TBC1D4: variants seen among roughly 807,000 people sequenced by gnomAD.
TBC1D4 encodes TBC1 domain family member 4.
TBC1D4 carries 121 observed loss-of-function variants against 142.5 expected under a neutral mutation model. The observed-to-expected ratio is 0.85, with a 90% CI of 0.73 to 0.99. The LOEUF is 0.99. TBC1D4 is among the 50% of genes least tolerant of loss of function. The pLI, the probability that TBC1D4 is intolerant of heterozygous loss-of-function variation, is 0.00. For missense variants in TBC1D4, 1,475 were observed against 1,606.6 expected, an observed-to-expected ratio of 0.92 and a Z score of 1.40; for synonymous variants, 630 against 628.2, an observed-to-expected ratio of 1.00 and a Z score of -0.04.
chr13:75,441,405 T>C (rs1215442897), intron 1 of TBC1D4, among the ~76,000 whole-genome samples: 1 of 152,114 alleles, frequency 6.6e-6, no homozygotes. Flanking sequence ...TCTTCAAGAA[T>C]AGGAACCAAA....
chr13:75,440,704 C>G (rs1887002707), intron 1 of TBC1D4, among the ~76,000 whole-genome samples: 1 of 151,408 alleles, frequency 6.6e-6, no homozygotes, highest in Non-Finnish European at 1.5e-5. Context: ...CAGGCCCGTA[C>G]CAGCACACCC....
intron 20 of TBC1D4, among the ~76,000 whole-genome samples, chr13:75,288,177 C>G (rs1874889741): frequency 6.6e-6 from 1 of 152,116 alleles, no homozygotes; most frequent in African/African-American, 2.4e-5. Flanking sequence ...TTACATGTAA[C>G]ATTTGCATGG....
At chr13:75,309,868 G>A in intron 14 of TBC1D4, 74 bp downstream of exon 14, 3 of 1,458,156 alleles carry the variant, frequency 2.1e-6, no homozygotes, top group South Asian at 2.3e-5. Context: ...AGTATGTATG[G>A]GGAGAGAAAG....
chr13:75,362,383 C>G lies in TBC1D4; in HGVS notation c.723G>C (p.Gly241=), dbSNP rs7983969. 1,613,468 of 1,614,244 alleles carry G rather than the reference C, an allele frequency of 1. 806,348 individuals carry two copies. The highest frequency in any genetic ancestry group is 1 in the Non-Finnish European group (1,180,045 of 1,180,052). ...LHEQQRLKIQ[G]EQRGPDPGED... is the part of the protein sequence containing the mutation. ...CTCCTGGGTCCGGACCGCGCTGCTC[C>G]CCTTGGATCTTCAGGCGCTGCTGTT... is the stretch of plus-strand genomic sequence containing the variant. The change falls in exon 2 of 21, where the codon GGG becomes GGC. Residue 241 remains glycine, a synonymous_variant. Coordinates refer to ENST00000377636, the MANE Select transcript of TBC1D4 (RefSeq NM_014832.5). This position sits in a 1 kb window ranked among gnomAD's most constrained non-coding sequence, Gnocchi z 4.2.
chr13:75,313,031 GC>G (rs1257474504), intron 12 of TBC1D4, 133 bp from the exon 13 acceptor site: 1 of 931,068 alleles, frequency 1.1e-6, no homozygotes, highest in Non-Finnish European at 1.7e-6. Context: ...ATGGAGCAAT[GC>G]ATCACCAGGC....
chr13:75,373,961 G>A (rs574731204), intron 1 of TBC1D4, among the ~76,000 whole-genome samples: 1 of 152,266 alleles, frequency 6.6e-6, no homozygotes, highest in East Asian at 1.9e-4. Context: ...TTTGATTGCA[G>A]AAAAGAATAA....
At chr13:75,372,770 A>G (rs374567674) in intron 1 of TBC1D4, among the ~76,000 whole-genome samples, 6 of 152,234 alleles carry the variant, frequency 3.9e-5, no homozygotes, top group East Asian at 3.8e-4. Flanking sequence ...TAAAAAGTAA[A>G]TTAACTAGAA....
chr13:75,324,543 A>G, intron 10 of TBC1D4, 142 bp from the exon 11 acceptor site: 1 of 965,690 alleles, frequency 1.0e-6, no homozygotes, highest in Non-Finnish European at 1.5e-6. Flanking sequence ...TACATGAAAA[A>G]AAAAGAAGAA....
At chr13:75,311,683 T>C (rs1877773201) in intron 13 of TBC1D4, among the ~76,000 whole-genome samples, 1 of 152,188 alleles carries the variant, frequency 6.6e-6, no homozygotes, top group Admixed American at 6.5e-5. Context: ...TAGTTTTCTA[T>C]TCCCAAACAC....
intron 1 of TBC1D4, among the ~76,000 whole-genome samples, chr13:75,371,910 A>C (rs1883243948): frequency 1.3e-5 from 2 of 152,358 alleles, no homozygotes; most frequent in South Asian, 4.1e-4. Context: ...AATAAGAATA[A>C]CATACTTTGA....
chr13:75,410,247 A>G (rs1885579105), intron 1 of TBC1D4, among the ~76,000 whole-genome samples: 1 of 152,208 alleles, frequency 6.6e-6, no homozygotes, highest in Non-Finnish European at 1.5e-5. Context: ...TTTCATTCCA[A>G]AGGTTCCTAT....
At chr13:75,302,177 C>G (rs1055606094) in intron 16 of TBC1D4, 66 bp downstream of exon 16, 1 of 1,604,984 alleles carries the variant, frequency 6.2e-7, no homozygotes, top group Admixed American at 1.7e-5. Flanking sequence ...AAACAAAAAC[C>G]AAAAAAACTT....
chr13:75,435,372 G>T (rs1049708906), intron 1 of TBC1D4, among the ~76,000 whole-genome samples: 38 of 149,894 alleles, frequency 2.5e-4, no homozygotes, highest in African/African-American at 8.8e-4. Context: ...AAAAAACTTT[G>T]ATATAAGTGA....
intron 20 of TBC1D4, among the ~76,000 whole-genome samples, chr13:75,287,460 C>T (rs1365045891): frequency 6.6e-6 from 1 of 152,086 alleles, no homozygotes; most frequent in East Asian, 1.9e-4. Context: ...GAGGGGTGGC[C>T]AAGTAACTGA....
chr13:75,476,251 AAAC>A (rs1446738906), intron 1 of TBC1D4, among the ~76,000 whole-genome samples: 2 of 152,166 alleles, frequency 1.3e-5, no homozygotes, highest in African/African-American at 2.4e-5. Flanking sequence ...TCAAAAAAAT[AAAC>A]AACAACAACA....
Position 75,302,315 on chromosome 13 carries a change from G to A in TBC1D4, c.2839C>T (p.Pro947Ser), listed in dbSNP as rs754167403. 2 of 1,614,186 alleles carry A rather than the reference G, an allele frequency of 1.2e-6. No homozygotes were observed. Among genetic ancestry groups the A allele is most frequent in the Non-Finnish European group, 1.7e-6 (2 of 1,180,024 alleles). Reference protein sequence around the residue: ...LRHRLPNKQQPPDISYKELLK... With the variant: ...LRHRLPNKQQSPDISYKELLK... ...AGTTCCTTATAGGATATGTCAGGAGGCTGTTGTTTATTAGGCAATCTGTGT... is the reference window on the plus strand; with the variant it reads ...AGTTCCTTATAGGATATGTCAGGAGACTGTTGTTTATTAGGCAATCTGTGT... Residue 947 changes from proline (P) to serine (S), a missense_variant, in exon 16 of 21, where the codon CCT (proline) becomes TCT (serine). By Grantham distance (74) the Pro-to-Ser change is moderately conservative. This residue lies in a region of TBC1D4 where 1,227 missense variants were observed against 1,267.7 expected (regional missense o/e 0.97). Coordinates refer to ENST00000377636, the MANE Select transcript of TBC1D4 (RefSeq NM_014832.5).
intron 3 of TBC1D4, 68 bp downstream of exon 3, chr13:75,359,701 C>CTTA: frequency 1.6e-6 from 2 of 1,270,982 alleles, no homozygotes; most frequent in Non-Finnish European, 2.3e-6. Context: ...GTCAAGCCCA[C>CTTA]TTATTTTATT....
intron 1 of TBC1D4, among the ~76,000 whole-genome samples, chr13:75,478,301 G>A (rs1156295700): frequency 6.6e-6 from 1 of 152,140 alleles, no homozygotes; most frequent in Non-Finnish European, 1.5e-5. Context: ...CACAGTGCTT[G>A]TATAATTATT....
chr13:75,285,279 C>G lies in TBC1D4; in HGVS notation c.*1513G>C, dbSNP rs41306652. 6.6e-6 allele frequency: 1 copy of G among 152,200 alleles called. No individual in the cohort carries two copies. The highest frequency in any genetic ancestry group is 1.5e-5 in the Non-Finnish European group (1 of 68,004). 9.4% of individuals were successfully genotyped at this position (152,200 alleles called of 1,614,324 possible). ...CTGTTCATCAAAGCTTTCTGAAACC[C>G]CTAGAGCTTTACTATTCTACTCTAT... On this transcript the variant is annotated 3_prime_UTR_variant, in exon 21 of 21. Transcript: ENST00000377636.
Sources: gnomAD v4.1 joint callset for allele counts (sites outside exome capture counted in the v4.1 genomes callset) on GRCh38, gnomAD v4.1.1 for gene constraint, gnomAD v4.1.1 regional missense constraint, Gnocchi (gnomAD v3.1) non-coding constraint, MANE v1.5 for transcripts, NCBI Gene and HGNC (gene_info 2026-07-23, HGNC 2026-07-21) for gene names.